The following SAMD13 variants were observed in gnomAD, a reference collection of about 807,000 sequenced individuals.
SAMD13 encodes the protein sterile alpha motif domain containing 13.
SAMD13 carries 9 observed loss-of-function variants against 12.4 expected under a neutral mutation model. The ratio of observed to expected loss-of-function variants is 0.72; its 90% CI spans 0.44 to 1.26. The LOEUF (loss-of-function observed/expected upper bound fraction) is 1.26, where lower values mean the gene tolerates loss of function less well. Ranked by LOEUF, SAMD13 falls within the 50% of genes most tolerant of loss-of-function variation. SAMD13 has a pLI of 0.00. For synonymous variants in SAMD13, 46 were observed against 45.4 expected (o/e 1.01, Z -0.05); for missense variants, 84 against 119.6 (o/e 0.70, Z 1.39).
rs996933962 is a variant in SAMD13 at position 84,319,553 on chromosome 1, T to G, written c.54-6084T>G. 9.3e-5 allele frequency among the ~76,000 whole-genome samples: 14 copies of G among 151,178 alleles called. 1 individual carries two copies. Among genetic ancestry groups the G allele is most frequent in the Admixed American group, 7.3e-4 (11 of 15,138 alleles). ...GGGAGACTGAGGCAGGAGAATCGCT[T>G]GAACCCAGGAGGCAGAGGCTGCAAT... On this transcript the variant is annotated intron_variant, in intron 2 of 3. Coordinates refer to ENST00000394834, the MANE Select transcript of SAMD13 (RefSeq NM_001134663.2).
At chr1:84,304,096 A>G (rs1247338256) in intron 2 of SAMD13, 1 of 152,200 alleles carries the variant, frequency 6.6e-6, no homozygotes, top group Non-Finnish European at 1.5e-5. Context: ...AATATAATCC[A>G]TAGAAGCTGT....
chr1:84,319,912 C>G (rs1259325483), intron 2 of SAMD13, among the ~76,000 whole-genome samples: 1 of 152,084 alleles, frequency 6.6e-6, no homozygotes, highest in Non-Finnish European at 1.5e-5. Context: ...TACTGGTGAC[C>G]CAGGGCTCCA....
At chr1:84,338,121 G>A (rs893133359) in intron 3 of SAMD13, among the ~76,000 whole-genome samples, 3 of 152,126 alleles carry the variant, frequency 2.0e-5, no homozygotes, top group Admixed American at 2.0e-4. Context: ...ACATTTTCCT[G>A]TCTTCTTCTG....
At chr1:84,349,585 A>G in intron 3 of SAMD13, 46 bp from the exon 4 acceptor site, 1 of 1,579,602 alleles carries the variant, frequency 6.3e-7, no homozygotes, top group Non-Finnish European at 8.6e-7. Flanking sequence ...ATTATCCTTG[A>G]GCTTTTGGAC....
At chr1:84,321,990 G>A (rs1052748050) in intron 2 of SAMD13, among the ~76,000 whole-genome samples, 1 of 152,174 alleles carries the variant, frequency 6.6e-6, no homozygotes, top group African/African-American at 2.4e-5. Context: ...CCCACTCTGG[G>A]GCCCCGCTCA....
Position 84,303,200 on chromosome 1 carries a change from T to A in SAMD13, c.-32-3T>A. On this transcript the variant is annotated splice_region_variant and splice_polypyrimidine_tract_variant and intron_variant, in intron 1 of 3. Coordinates refer to ENST00000394834, the MANE Select transcript of SAMD13 (RefSeq NM_001134663.2). ...ACACAAGCTTTTCTCCCTTATTGATTAGTTGCTGAAGTAAAGGAACCCTGC... is the reference window on the plus strand; with the variant it reads ...ACACAAGCTTTTCTCCCTTATTGATAAGTTGCTGAAGTAAAGGAACCCTGC... 1 of 1,606,416 alleles carries A rather than the reference T, an allele frequency of 6.2e-7. No homozygotes were observed.
chr1:84,306,321 A>G (rs1299383198), intron 2 of SAMD13, among the ~76,000 whole-genome samples: 1 of 151,700 alleles, frequency 6.6e-6, no homozygotes, highest in Non-Finnish European at 1.5e-5. Context: ...TTGATGTTAT[A>G]TGCCACAACC....
chr1:84,304,100 A>G (rs1304732563), intron 2 of SAMD13: 1 of 152,334 alleles, frequency 6.6e-6, no homozygotes, highest in East Asian at 1.9e-4. Context: ...TAATCCATAG[A>G]AGCTGTGATA....
At chr1:84,299,108 C>G, upstream of SAMD13, among the ~76,000 whole-genome samples, 1 of 152,136 alleles carries the variant, frequency 6.6e-6, no homozygotes, top group East Asian at 1.9e-4. Flanking sequence ...AGACGCCATT[C>G]CCGGCTCGGT....
intron 2 of SAMD13, chr1:84,303,614 A>G (rs1678497435): frequency 5.5e-6 from 1 of 181,042 alleles, no homozygotes; most frequent in Non-Finnish European, 1.2e-5. Flanking sequence ...GACAACACAG[A>G]ATGGGGGCAG....
chr1:84,328,555 T>C (rs1679108500), intron 3 of SAMD13, among the ~76,000 whole-genome samples: 1 of 152,100 alleles, frequency 6.6e-6, no homozygotes, highest in African/African-American at 2.4e-5. Flanking sequence ...AGGGAGGGAA[T>C]CACTGGCCAG....
chr1:84,313,021 C>G (rs1476995905), intron 2 of SAMD13, among the ~76,000 whole-genome samples: 3 of 151,944 alleles, frequency 2.0e-5, no homozygotes, highest in Non-Finnish European at 4.4e-5. Flanking sequence ...TTTATTTTAC[C>G]TAGTAGGTTC....
At chr1:84,324,606 G>A (rs1013317500) in intron 2 of SAMD13, among the ~76,000 whole-genome samples, 26 of 152,172 alleles carry the variant, frequency 1.7e-4, no homozygotes, top group Non-Finnish European at 2.9e-5. Context: ...TTGCTCTCCA[G>A]TGTATTCCTA....
chr1:84,328,390 C>G (rs1345966170), intron 3 of SAMD13, among the ~76,000 whole-genome samples: 2 of 152,188 alleles, frequency 1.3e-5, no homozygotes, highest in African/African-American at 4.8e-5. Flanking sequence ...GAAATGAATT[C>G]TCAAAGGATC....
At chr1:84,320,900 A>G (rs569162344) in intron 2 of SAMD13, among the ~76,000 whole-genome samples, 3 of 152,328 alleles carry the variant, frequency 2.0e-5, no homozygotes, top group Admixed American at 2.0e-4. Context: ...ATTTACCCAG[A>G]GTATCCTTTT....
At chr1:84,311,170 T>C (rs1678700867) in intron 2 of SAMD13, among the ~76,000 whole-genome samples, 1 of 151,546 alleles carries the variant, frequency 6.6e-6, no homozygotes, top group African/African-American at 2.4e-5. Flanking sequence ...ATCCCATCTC[T>C]ACTAAAAATA....
At position 84,349,652 on chromosome 1, in the gene SAMD13, C is replaced by T; in HGVS notation, c.187C>T (p.Leu63=). Residue 63 remains leucine (L), a synonymous_variant, in exon 4 of 4, where the codon CTA becomes TTA. Transcript: ENST00000394834. ...QEQEIDGKSL[L]LMTRNDVLTG... ...ATAGGAAATTGATGGAAAATCCCTG[C>T]TATTGATGACAAGAAATGATGTGTT... 6.2e-7 allele frequency: 1 copy of T among 1,613,454 alleles called. No homozygotes were observed. The highest frequency in any genetic ancestry group is 8.5e-7 in the Non-Finnish European group (1 of 1,179,652).
intron 1 of SAMD13, chr1:84,302,912 A>G (rs1678483241): frequency 3.9e-6 from 1 of 259,698 alleles, no homozygotes; most frequent in Non-Finnish European, 7.6e-6. Flanking sequence ...ACCCAGAAGA[A>G]GCTGTGCCAG....
intron 3 of SAMD13, among the ~76,000 whole-genome samples, chr1:84,332,051 C>T (rs1679202464): frequency 6.6e-6 from 1 of 152,120 alleles, no homozygotes; most frequent in South Asian, 2.1e-4. Flanking sequence ...TGTTGCTGCA[C>T]AGGACATGAT....
Sources: allele counts gnomAD v4.1 joint callset (sites outside exome capture counted in the v4.1 genomes callset), GRCh38; gene constraint gnomAD v4.1.1; transcripts MANE v1.5; gene names NCBI Gene and HGNC (gene_info 2026-07-23, HGNC 2026-07-21).